The following RANBP2 variants were observed in gnomAD, a reference collection of about 807,000 sequenced individuals.
RANBP2 encodes the protein E3 SUMO-protein ligase RanBP2.
Under a neutral mutation model 303.6 loss-of-function variants are expected in RANBP2, and 57 were observed. The ratio of observed to expected loss-of-function variants is 0.19; its 90% confidence interval spans 0.15 to 0.23. The LOEUF is 0.23. Ranked by LOEUF, RANBP2 falls within the 10% of genes least tolerant of loss-of-function variation. The pLI, the probability that RANBP2 is intolerant of heterozygous loss-of-function variation, is 1.00. For missense variants in RANBP2, 3,138 were observed against 3,780.8 expected (o/e 0.83, Z 4.46); for synonymous variants, 1,167 against 1,301.5 (o/e 0.90, Z 2.23).
the RANBP2 span, among the ~76,000 whole-genome samples, chr2:109,117,504 T>C: frequency 6.4e-3 from 973 of 152,324 alleles, 15 homozygotes; most frequent in African/African-American, 0.023. Context: ...AGTATTAGGG[T>C]GGGAGTGACC....
the RANBP2 span, among the ~76,000 whole-genome samples, chr2:109,074,465 C>G: frequency 6.6e-6 from 1 of 150,780 alleles, no homozygotes; most frequent in Non-Finnish European, 1.5e-5. Flanking sequence ...TCTGGGAGGC[C>G]AAGGCAGGTA....
In RANBP2 at chr2:108,735,699, A is replaced by G. The variant is rs1372180415; in HGVS notation, c.573A>G (p.Ala191=). 5 of 1,597,506 alleles carry G rather than the reference A, an allele frequency of 3.1e-6. No homozygotes were observed. In the Admixed American group the frequency reaches 8.3e-5, roughly 27 times the overall value. ...LKDAVAHCHE[A]ERNIALRSSL... ...ATGCTGTGGCCCACTGCCATGAGGC[A>G]GAGAGGAACATAGCTTTGCGTTCAA... Residue 191 remains alanine, a synonymous_variant, in exon 5 of 29, where the codon GCA becomes GCG. Transcript: ENST00000283195.
At chr2:109,219,919 A>G in the RANBP2 span, among the ~76,000 whole-genome samples, 3 of 152,232 alleles carry the variant, frequency 2.0e-5, no homozygotes, top group Admixed American at 6.5e-5. Flanking sequence ...GAAATAGTAA[A>G]AAAGCACTCT....
the RANBP2 span, among the ~76,000 whole-genome samples, chr2:109,521,443 C>A: frequency 6.6e-6 from 1 of 152,106 alleles, no homozygotes; most frequent in African/African-American, 2.4e-5. Context: ...GTAGCACCAC[C>A]GAGCTGGGGC....
chr2:109,337,389 G>T, the RANBP2 span, among the ~76,000 whole-genome samples: 1 of 152,214 alleles, frequency 6.6e-6, no homozygotes, highest in Non-Finnish European at 1.5e-5. Context: ...TGCATCCAAG[G>T]CTAGGTCCTC....
the RANBP2 span, among the ~76,000 whole-genome samples, chr2:109,371,361 G>T: frequency 6.6e-6 from 1 of 152,256 alleles, no homozygotes; most frequent in African/African-American, 2.4e-5. Context: ...CTGCACTCCA[G>T]CCTGGGTGGC....
At chr2:109,427,213 C>T in the RANBP2 span, among the ~76,000 whole-genome samples, 1 of 152,154 alleles carries the variant, frequency 6.6e-6, no homozygotes, top group African/African-American at 2.4e-5. Context: ...AGGTGATCCA[C>T]CTGCCTCAGG....
At chr2:108,886,837 A>G in the RANBP2 span, among the ~76,000 whole-genome samples, 2 of 152,186 alleles carry the variant, frequency 1.3e-5, no homozygotes, top group African/African-American at 4.8e-5. Flanking sequence ...TCTACTATTC[A>G]TTAGGTTGTC....
chr2:108,836,978 C>T, the RANBP2 span, among the ~76,000 whole-genome samples: 75 of 151,570 alleles, frequency 4.9e-4, 1 homozygote, highest in African/African-American at 1.7e-3. Flanking sequence ...TTAGGACTTT[C>T]GACATATAAG....
the RANBP2 span, among the ~76,000 whole-genome samples, chr2:109,096,721 TG>T: frequency 6.6e-6 from 1 of 152,132 alleles, no homozygotes; most frequent in Non-Finnish European, 1.5e-5. Context: ...TTGCTTTTTT[TG>T]CTCAAAATGC....
the RANBP2 span, among the ~76,000 whole-genome samples, chr2:109,280,118 G>A: frequency 6.6e-6 from 1 of 152,114 alleles, no homozygotes; most frequent in Non-Finnish European, 1.5e-5. Context: ...TGTTTTTTGG[G>A]GGCTCCTCTT....
the RANBP2 span, among the ~76,000 whole-genome samples, chr2:109,498,194 C>G: frequency 6.6e-6 from 1 of 152,200 alleles, no homozygotes; most frequent in Non-Finnish European, 1.5e-5. Flanking sequence ...GTCTGGTTCG[C>G]CGGCAGATAG....
At chr2:108,954,390 T>C in the RANBP2 span, among the ~76,000 whole-genome samples, 1 of 152,226 alleles carries the variant, frequency 6.6e-6, no homozygotes, top group African/African-American at 2.4e-5. Context: ...ACAGACATTC[T>C]GCAGCCTACC....
the RANBP2 span, among the ~76,000 whole-genome samples, chr2:109,342,762 G>C: frequency 6.6e-6 from 1 of 152,182 alleles, no homozygotes; most frequent in Non-Finnish European, 1.5e-5. Context: ...AGATGGCGCC[G>C]TTGTGCCCAC....
At chr2:109,614,659 A>G in the RANBP2 span, 2 of 1,477,918 alleles carry the variant, frequency 1.4e-6, no homozygotes, top group Non-Finnish European at 1.8e-6. Flanking sequence ...GCGCACTTCA[A>G]GGAGCTGGTG....
At chr2:108,960,582 T>C in the RANBP2 span, among the ~76,000 whole-genome samples, 6 of 152,234 alleles carry the variant, frequency 3.9e-5, no homozygotes, top group Non-Finnish European at 8.8e-5. Context: ...ACGCTGGCTC[T>C]GTCACTGATA....
At chr2:108,777,670 G>A (rs1677982484) in intron 25 of RANBP2, among the ~76,000 whole-genome samples, 1 of 151,972 alleles carries the variant, frequency 6.6e-6, no homozygotes, top group Admixed American at 6.6e-5. Context: ...TTTATAATTG[G>A]TGTGCTTGCC....
chr2:109,271,877 C>T, the RANBP2 span, among the ~76,000 whole-genome samples: 1 of 152,226 alleles, frequency 6.6e-6, no homozygotes, highest in Non-Finnish European at 1.5e-5. Flanking sequence ...CTAGAATCAT[C>T]CCAAGGCAGA....
At chr2:109,687,093 T>G in the RANBP2 span, among the ~76,000 whole-genome samples, 1 of 152,224 alleles carries the variant, frequency 6.6e-6, no homozygotes, top group African/African-American at 2.4e-5. Flanking sequence ...ATACAGCCTC[T>G]TCCCCCGCAT....
Sources: allele counts gnomAD v4.1 joint callset (sites outside exome capture counted in the v4.1 genomes callset), GRCh38; gene constraint gnomAD v4.1.1; transcripts MANE v1.5; gene names NCBI Gene and HGNC (gene_info 2026-07-23, HGNC 2026-07-21).